Variants in RELCH observed in about 807,000 individuals in gnomAD.
RELCH encodes RAB11 binding and LisH domain, coiled-coil and HEAT repeat containing.
A neutral mutation model predicts 150.3 loss-of-function variants in RELCH; 41 were observed. The observed-to-expected ratio is 0.27, with a 90% confidence interval of 0.21 to 0.35. The LOEUF (loss-of-function observed/expected upper bound fraction) is 0.35. Ranked by LOEUF, RELCH falls within the 10% of genes least tolerant of loss-of-function variation. The pLI is 1.00. For missense variants in RELCH, 1,092 were observed against 1,467.8 expected (o/e 0.74, Z 4.18); for synonymous variants, 478 against 531.8 (o/e 0.90, Z 1.39).
intron 27 of RELCH, among the ~76,000 whole-genome samples, chr18:62,297,968 G>GT: frequency 6.6e-6 from 1 of 152,126 alleles, no homozygotes; most frequent in Middle Eastern, 3.4e-3. Flanking sequence ...CTTACTCAAT[G>GT]TTTTTTCTAA....
chr18:62,234,497 A>T (rs1449699374), intron 10 of RELCH, among the ~76,000 whole-genome samples: 1 of 151,868 alleles, frequency 6.6e-6, no homozygotes, highest in Non-Finnish European at 1.5e-5. Flanking sequence ...AGTTTGATAT[A>T]TATTCTCTTG....
chr18:62,220,593 C>T (rs2040804519), intron 2 of RELCH, among the ~76,000 whole-genome samples: 1 of 151,614 alleles, frequency 6.6e-6, no homozygotes, highest in Non-Finnish European at 1.5e-5. Flanking sequence ...AAAAAAAATC[C>T]TAAGTTTTTC....
Position 62,252,697 on chromosome 18 carries a change from G to C in RELCH, c.1767G>C (p.Ala589=). ...QMILTGCVAF[A]RHVGPTRVEA... ...TACTGACAGGTTGTGTGGCATTTGC[G>C]CGTCATGTTGGACCAACACGTGTAG... The change falls in exon 12 of 29, where the codon GCG becomes GCC. Residue 589 remains alanine, a synonymous_variant. Transcript: ENST00000644646. 3 of 1,613,890 alleles carry C rather than the reference G, an allele frequency of 1.9e-6. No individual in the cohort carries two copies. The highest frequency in any genetic ancestry group is 2.5e-6 in the Non-Finnish European group (3 of 1,179,936).
At chr18:62,229,856 G>A (rs535633621) in intron 8 of RELCH, among the ~76,000 whole-genome samples, 29 of 152,176 alleles carry the variant, frequency 1.9e-4, no homozygotes, top group African/African-American at 6.7e-4. Context: ...AATAATGCTA[G>A]TGAAAGGAAG....
At chr18:62,227,530 G>A (rs1426060492) in intron 6 of RELCH, 38 bp downstream of exon 6, 5 of 1,580,934 alleles carry the variant, frequency 3.2e-6, no homozygotes, top group South Asian at 1.1e-5. Context: ...TCCACAGAAA[G>A]TATTTAAACT....
intron 4 of RELCH, 33 bp from the exon 5 acceptor site, chr18:62,221,351 T>C (rs1275002240): frequency 1.1e-5 from 17 of 1,544,108 alleles, no homozygotes; most frequent in Admixed American, 5.0e-5. Context: ...GGAATACTTA[T>C]GATTTCCTGT....
At chr18:62,281,641 T>A (rs1354467392) in intron 24 of RELCH, among the ~76,000 whole-genome samples, 1 of 152,230 alleles carries the variant, frequency 6.6e-6, no homozygotes, top group Non-Finnish European at 1.5e-5. Context: ...GAAAAAACCC[T>A]GTAGATTAGC....
At chr18:62,219,554 C>T (rs1448718246) in intron 2 of RELCH, among the ~76,000 whole-genome samples, 1 of 150,244 alleles carries the variant, frequency 6.7e-6, no homozygotes, top group East Asian at 1.9e-4. Context: ...CTGTACTTAC[C>T]TTACACACTG....
Position 62,228,518 on chromosome 18 carries a change from A to C in RELCH, c.1368A>C (p.Ser456=). 6.2e-7 allele frequency: 1 copy of C among 1,613,216 alleles called. No individual in the cohort carries two copies. Among genetic ancestry groups the C allele is most frequent in the Non-Finnish European group, 8.5e-7 (1 of 1,179,546 alleles). Residue 456 remains serine (S), a synonymous_variant, in exon 8 of 29, where the codon TCA becomes TCC. Transcript: ENST00000644646. ...TTCCTAAAGAGAATTCCCCAAATTC[A>C]TTCCCCAGGAGAGAAAGAGAAGGAA... ...STIPKENSPN[S]FPRREREGMP...
chr18:62,216,023 A>G (rs2040455631), intron 2 of RELCH, among the ~76,000 whole-genome samples: 1 of 152,094 alleles, frequency 6.6e-6, no homozygotes, highest in Non-Finnish European at 1.5e-5. Flanking sequence ...AATATAGGTG[A>G]TTTTTCATTT....
At chr18:62,267,434 A>ATGTGTGTGTG (rs145946546) in intron 19 of RELCH, among the ~76,000 whole-genome samples, 55 of 143,504 alleles carry the variant, frequency 3.8e-4, no homozygotes, top group Middle Eastern at 7.0e-3. Context: ...GTATATATGT[A>ATGTGTGTGTG]TGTGTGTGTG....
At position 62,261,537 on chromosome 18, in the gene RELCH, C is replaced by A. The variant is rs2043271068; in HGVS notation, c.2229C>A (p.His743Gln). The A allele has an allele frequency of 5.0e-6, 8 of 1,611,834 alleles. No homozygotes were observed. The highest frequency in any genetic ancestry group is 6.8e-6 in the Non-Finnish European group (8 of 1,178,642). The stretch of plus-strand genomic sequence containing the variant: ...AAGGAGAACATGGACTGGATGAACA[C>A]AAACTCCACATGTATCTTTCTGCCT... ...LREGEHGLDE[H>Q]KLHMYLSALQ... is the part of the protein sequence containing the mutation. The change falls in exon 16 of 29, where the codon CAC (histidine) becomes CAA (glutamine). Residue 743 changes from histidine to glutamine, a missense_variant. His to Gln is a conservative substitution (Grantham distance 24, BLOSUM62 0). Transcript: ENST00000644646.
At position 62,203,933 on chromosome 18, in the gene RELCH, C is replaced by G. The variant is rs140801900; in HGVS notation, c.527-7220C>G. On this transcript the variant is annotated intron_variant, in intron 1 of 28. Transcript: ENST00000644646. Reference sequence around the variant, plus strand: ...GTTTTGGGTTACAGCGAGCTATGATCATGCCACTGCATTCCAGCCTCAGTG... The same window carrying G: ...GTTTTGGGTTACAGCGAGCTATGATGATGCCACTGCATTCCAGCCTCAGTG... Among the ~76,000 whole-genome samples the G allele has an allele frequency of 1.5e-3, 235 of 152,232 alleles. 1 individual carries two copies. Among genetic ancestry groups the G allele is most frequent in the African/African-American group, 5.3e-3 (219 of 41,538 alleles).
chr18:62,240,148 T>G (rs1214817617), intron 10 of RELCH, among the ~76,000 whole-genome samples: 2 of 151,904 alleles, frequency 1.3e-5, no homozygotes, highest in Non-Finnish European at 2.9e-5. Context: ...ATTATATTTG[T>G]ATATAATCTT....
At chr18:62,264,654 A>G in intron 17 of RELCH, 75 bp from the exon 18 acceptor site, 2 of 1,105,376 alleles carry the variant, frequency 1.8e-6, no homozygotes, top group Non-Finnish European at 2.6e-6. Context: ...TTAGATTTGC[A>G]TTGTTTCAGA....
intron 1 of RELCH, among the ~76,000 whole-genome samples, chr18:62,209,001 T>C (rs899124386): frequency 2.6e-5 from 4 of 152,176 alleles, no homozygotes; most frequent in African/African-American, 9.7e-5. Flanking sequence ...CCTCCACTTT[T>C]CAAGATCTTT....
intron 18 of RELCH, among the ~76,000 whole-genome samples, chr18:62,265,854 A>G (rs141428700): frequency 7.0e-4 from 107 of 152,170 alleles, no homozygotes; most frequent in African/African-American, 2.3e-3. Flanking sequence ...TAAGCTAAAT[A>G]TATAAATTAA....
intron 8 of RELCH, among the ~76,000 whole-genome samples, chr18:62,229,482 AGG>A (rs1386342981): frequency 2.9e-5 from 3 of 102,606 alleles, no homozygotes; most frequent in African/African-American, 1.2e-4. Context: ...TGTGTATAGT[AGG>A]GGTGTGTGTG....
rs770815767 is a variant in RELCH, at chr18:62,274,005, G to T, written c.2786G>T (p.Gly929Val). 18 of 1,612,354 alleles carry T rather than the reference G, an allele frequency of 1.1e-5. No individual in the cohort carries two copies. Among genetic ancestry groups the T allele is most frequent in the Non-Finnish European group, 1.3e-5 (15 of 1,178,914 alleles). Residue 929 changes from glycine (G) to valine (V), a missense_variant, in exon 21 of 29, where the codon GGA (glycine) becomes GTA (valine). This residue lies in a region of RELCH where 707 missense variants were observed against 1,025.4 expected (regional missense o/e 0.69). Coordinates refer to ENST00000644646, the MANE Select transcript of RELCH (RefSeq NM_001346231.2). ...IQEEDRKLLV[G>V]FLEDVMTLLS... The stretch of plus-strand genomic sequence containing the variant: ...GAAGAAGACCGAAAACTGTTAGTTG[G>T]ATTCTTAGAAGATGTAATGACGCTG...
Sources: allele counts gnomAD v4.1 joint callset (sites outside exome capture counted in the v4.1 genomes callset), GRCh38; gene constraint gnomAD v4.1.1; regional missense constraint gnomAD v4.1.1; transcripts MANE v1.5; gene names NCBI Gene and HGNC (gene_info 2026-07-23, HGNC 2026-07-21).